The following RERG variants were observed in gnomAD, a reference collection of about 807,000 sequenced individuals.
The protein encoded by RERG is RAS like estrogen regulated growth inhibitor.
A neutral mutation model predicts 23.2 loss-of-function variants in RERG; 25 were observed. The observed-to-expected ratio is 1.08, with a 90% CI of 0.79 to 1.50. The LOEUF (loss-of-function observed/expected upper bound fraction) is 1.50. RERG is among the 40% of genes most tolerant of loss of function. RERG has a pLI of 0.00. For synonymous variants in RERG, 81 were observed against 89.1 expected, an observed-to-expected ratio of 0.91 and a Z score of 0.51; for missense variants, 253 against 250.1, an observed-to-expected ratio of 1.01 and a Z score of -0.08.
At chr12:15,110,577 C>T (rs1222205663) in intron 4 of RERG, among the ~76,000 whole-genome samples, 3 of 147,498 alleles carry the variant, frequency 2.0e-5, no homozygotes, top group Non-Finnish European at 4.4e-5. Flanking sequence ...CTCCCGGGTT[C>T]ACACCGTTCT....
chr12:15,179,315 A>G (rs959747231), intron 2 of RERG, among the ~76,000 whole-genome samples: 7 of 152,204 alleles, frequency 4.6e-5, no homozygotes, highest in African/African-American at 1.4e-4. Flanking sequence ...AAGCAGTTCA[A>G]AACCAAAGGA....
intron 2 of RERG, among the ~76,000 whole-genome samples, chr12:15,164,816 G>C (rs1468235293): frequency 2.0e-5 from 3 of 152,198 alleles, no homozygotes; most frequent in Non-Finnish European, 2.9e-5. Flanking sequence ...ATGAGAATAA[G>C]ATAGAGTTAA....
At chr12:15,197,955 C>G (rs1865166811) in intron 2 of RERG, among the ~76,000 whole-genome samples, 1 of 152,118 alleles carries the variant, frequency 6.6e-6, no homozygotes. Flanking sequence ...GTGTCACCAG[C>G]TTTGCTTCCT....
At chr12:15,159,650 C>T (rs562941870) in intron 2 of RERG, among the ~76,000 whole-genome samples, 258 of 152,176 alleles carry the variant, frequency 1.7e-3, no homozygotes, top group African/African-American at 5.8e-3. Context: ...AGTGAAACCC[C>T]GTCTCTACTA....
chr12:15,159,680 T>C (rs1864575365), intron 2 of RERG, among the ~76,000 whole-genome samples: 1 of 152,186 alleles, frequency 6.6e-6, no homozygotes, highest in African/African-American at 2.4e-5. Context: ...AAAACTTAGC[T>C]GGGCGTGGTG....
chr12:15,111,885 A>G (rs891905133), intron 3 of RERG, among the ~76,000 whole-genome samples: 7 of 152,100 alleles, frequency 4.6e-5, no homozygotes, highest in Admixed American at 2.6e-4. Flanking sequence ...CATGTTGGCC[A>G]GGCTGGACTT....
intron 3 of RERG, among the ~76,000 whole-genome samples, chr12:15,112,852 G>A (rs1328279964): frequency 1.3e-5 from 2 of 152,168 alleles, no homozygotes; most frequent in African/African-American, 2.4e-5. Flanking sequence ...ATTTCTCAAC[G>A]TGAGGGAACA....
intron 3 of RERG, among the ~76,000 whole-genome samples, chr12:15,113,090 A>C (rs1310175100): frequency 6.6e-6 from 1 of 152,202 alleles, no homozygotes; most frequent in African/African-American, 2.4e-5. Flanking sequence ...CATCAACATC[A>C]ATCCTGGCAT....
At chr12:15,124,695 TACA>T (rs1863904427) in intron 2 of RERG, among the ~76,000 whole-genome samples, 1 of 152,056 alleles carries the variant, frequency 6.6e-6, no homozygotes, top group African/African-American at 2.4e-5. Context: ...CTTTGTAGCA[TACA>T]ACAATAAGTA....
intron 2 of RERG, among the ~76,000 whole-genome samples, chr12:15,143,188 T>G (rs1864265771): frequency 6.6e-6 from 1 of 152,014 alleles, no homozygotes; most frequent in African/African-American, 2.4e-5. Context: ...TTAAGCACAC[T>G]AAAAGAAAAT....
In RERG at chr12:15,177,844, T is replaced by G. The variant is rs533471110; in HGVS notation, c.61+39585A>C. 1.6e-4 allele frequency among the ~76,000 whole-genome samples: 24 copies of G among 150,710 alleles called. 1 individual carries two copies. The East Asian group carries it at 2.1e-3, about 13-fold the overall frequency. ...CTCTCTGGCTCCCTCTGTTTGTTTT[T>G]TTTTTTTTTTTTTTTAGCTGTATGA... On this transcript the variant is annotated intron_variant, in intron 2 of 4. Coordinates refer to ENST00000256953, the MANE Select transcript of RERG (RefSeq NM_032918.3).
At chr12:15,130,180 T>C (rs1463454176) in intron 2 of RERG, among the ~76,000 whole-genome samples, 2 of 152,176 alleles carry the variant, frequency 1.3e-5, no homozygotes, top group Non-Finnish European at 2.9e-5. Context: ...CTCCAGGTAC[T>C]GTGCTAGGCA....
intron 2 of RERG, among the ~76,000 whole-genome samples, chr12:15,126,119 T>G (rs1863933099): frequency 1.9e-5 from 1 of 53,538 alleles, no homozygotes; most frequent in Non-Finnish European, 4.0e-5. Flanking sequence ...TGGAGAATGT[T>G]GTATATACCA....
In RERG at chr12:15,201,633, G is replaced by T. The variant is rs180828063; in HGVS notation, c.61+15796C>A. ...AATAATTAGCTAATATTAATTATTA[G>T]TAATTGTTAGTATAGTAATAATTAT... On this transcript the variant is annotated intron_variant, in intron 2 of 4. Coordinates refer to ENST00000256953, the MANE Select transcript of RERG (RefSeq NM_032918.3). Among the ~76,000 whole-genome samples the T allele has an allele frequency of 7.9e-4, 118 of 148,590 alleles. 1 individual carries two copies. Among genetic ancestry groups the T allele is most frequent in the Middle Eastern group, 3.6e-3 (1 of 278 alleles).
In RERG at chr12:15,111,354, G is replaced by C; in HGVS notation, c.182C>G (p.Thr61Ser). ...DEVVSMEILD[T>S]AGQEDTIQRE... Reference sequence around the variant, plus strand: ...GAACTCTTTATTCACCTGACCAGCAGTGTCTAGTATCTCCATGGAAACAAC... The same window carrying C: ...GAACTCTTTATTCACCTGACCAGCACTGTCTAGTATCTCCATGGAAACAAC... Residue 61 changes from threonine to serine, a missense_variant, in exon 4 of 5, where the codon ACT (threonine) becomes AGT (serine). Thr to Ser is a moderately conservative substitution (Grantham distance 58). Coordinates refer to ENST00000256953, the MANE Select transcript of RERG (RefSeq NM_032918.3). 1 of 1,610,624 alleles carries C rather than the reference G, an allele frequency of 6.2e-7. No homozygotes were observed. Among genetic ancestry groups the C allele is most frequent in the Non-Finnish European group, 8.5e-7 (1 of 1,177,278 alleles).
At chr12:15,167,195 C>T (rs1434692507) in intron 2 of RERG, among the ~76,000 whole-genome samples, 1 of 152,150 alleles carries the variant, frequency 6.6e-6, no homozygotes, top group African/African-American at 2.4e-5. Flanking sequence ...ACCAGAATGT[C>T]CCAGACACTA....
intron 2 of RERG, among the ~76,000 whole-genome samples, chr12:15,131,548 C>T (rs1455351285): frequency 6.6e-6 from 1 of 152,072 alleles, no homozygotes; most frequent in Non-Finnish European, 1.5e-5. Context: ...TTTTTTCCTA[C>T]ACTTATGTTA....
chr12:15,216,540 C>T (rs1865442895), intron 2 of RERG, among the ~76,000 whole-genome samples: 1 of 152,176 alleles, frequency 6.6e-6, no homozygotes, highest in African/African-American at 2.4e-5. Context: ...TATTTCCAAA[C>T]AGGTTTCCCT....
chr12:15,217,363 A>G (rs886860300), intron 2 of RERG, 66 bp downstream of exon 2: 4 of 1,071,420 alleles, frequency 3.7e-6, no homozygotes, highest in South Asian at 1.3e-5. Flanking sequence ...CAATCCCAAG[A>G]AACAGTAATA....
Sources: allele counts gnomAD v4.1 joint callset (sites outside exome capture counted in the v4.1 genomes callset), GRCh38; gene constraint gnomAD v4.1.1; transcripts MANE v1.5; gene names NCBI Gene and HGNC (gene_info 2026-07-23, HGNC 2026-07-21).